The following CMIP variants were observed in gnomAD, a reference collection of about 807,000 sequenced individuals.
The protein encoded by CMIP is c-Maf inducing protein.
Under a neutral mutation model 97.3 loss-of-function variants are expected in CMIP, and 13 were observed. The ratio of observed to expected loss-of-function variants is 0.13; its 90% CI spans 0.09 to 0.21. The LOEUF (loss-of-function observed/expected upper bound fraction) is 0.21, where lower values mean the gene tolerates loss of function less well. Among genes scored for constraint, CMIP ranks in the 10% least tolerant of loss-of-function variants. The probability of loss-of-function intolerance (pLI) is 1.00; values close to 1 mark genes in which losing one functional copy is unlikely to be tolerated. For synonymous variants in CMIP, 538 were observed against 436.3 expected, an observed-to-expected ratio of 1.23 and a Z score of -2.91; for missense variants, 847 against 1,024.9, an observed-to-expected ratio of 0.83 and a Z score of 2.37.
intron 3 of CMIP, among the ~76,000 whole-genome samples, chr16:81,647,159 G>A (rs562722729): frequency 1.6e-4 from 25 of 152,322 alleles, no homozygotes; most frequent in Non-Finnish European, 3.1e-4. Flanking sequence ...CTCGTAGGAC[G>A]AAGTCGTATC....
chr16:81,709,190 C>T (rs1027746988), intron 20 of CMIP, among the ~76,000 whole-genome samples: 1 of 152,174 alleles, frequency 6.6e-6, no homozygotes, highest in Non-Finnish European at 1.5e-5. Flanking sequence ...CTAAGCCAAA[C>T]CCTGGGTACC....
chr16:81,607,122 C>G (rs112533562), intron 1 of CMIP, among the ~76,000 whole-genome samples: 4 of 152,296 alleles, frequency 2.6e-5, no homozygotes, highest in African/African-American at 9.6e-5. Flanking sequence ...ATGGAGTTTT[C>G]CATCTTGGAA....
intron 1 of CMIP, among the ~76,000 whole-genome samples, chr16:81,532,884 C>T (rs1456191853): frequency 6.6e-6 from 1 of 152,206 alleles, no homozygotes; most frequent in Non-Finnish European, 1.5e-5. Flanking sequence ...GAAAGCCTCC[C>T]TCCCTTACTG....
At chr16:81,648,915 GCC>G (rs2092396363) in intron 3 of CMIP, among the ~76,000 whole-genome samples, 1 of 148,518 alleles carries the variant, frequency 6.7e-6, no homozygotes, top group South Asian at 2.2e-4. Flanking sequence ...GTCCCCTAGA[GCC>G]CCCAGCAGGA....
intron 11 of CMIP, among the ~76,000 whole-genome samples, chr16:81,692,325 A>C (rs560002724): frequency 6.6e-6 from 1 of 152,322 alleles, no homozygotes; most frequent in African/African-American, 2.4e-5. Context: ...CTCTGCAGCA[A>C]ACCTGGCCAG....
At position 81,627,493 on chromosome 16, in the gene CMIP, T is replaced by A. The variant is rs2092089565; in HGVS notation, c.477+6567T>A. On this transcript the variant is annotated intron_variant, in intron 3 of 20. Transcript: ENST00000537098. The surrounding 1 kb of genome is among the most constrained non-coding windows in gnomAD (Gnocchi z 4.6). ...GTGGGAGCAGCTGGCTCGGCCTGTCTCCCTGGCAGCCCCTTCCAGCCTCCA... is the reference window on the plus strand; with the variant it reads ...GTGGGAGCAGCTGGCTCGGCCTGTCACCCTGGCAGCCCCTTCCAGCCTCCA... Among the ~76,000 whole-genome samples the A allele has an allele frequency of 2.8e-5, 4 of 143,800 alleles. No individual in the cohort carries two copies. Among genetic ancestry groups the A allele is most frequent in the Non-Finnish European group, 6.2e-5 (4 of 65,004 alleles). 94.3% of individuals were successfully genotyped at this position (143,800 alleles called of 152,430 possible). A position where few individuals can be genotyped will look rare whatever the true frequency, so the allele number is the denominator to read the frequency against.
chr16:81,464,403 C>T (rs1251611725), intron 1 of CMIP: 1 of 152,228 alleles, frequency 6.6e-6, no homozygotes, highest in Non-Finnish European at 1.5e-5. Flanking sequence ...CTGCCCCAGT[C>T]GCTGTCCCTA....
At chr16:81,495,350 G>T in intron 1 of CMIP, 1 of 1,482,004 alleles carries the variant, frequency 6.7e-7, no homozygotes. Flanking sequence ...CGACCCACAG[G>T]CTTCTTGGAT....
At chr16:81,665,607 AT>A (rs989322624) in intron 7 of CMIP, 3 of 152,172 alleles carry the variant, frequency 2.0e-5, no homozygotes, top group African/African-American at 7.2e-5. Context: ...ACCACGTTAG[AT>A]TTTAGAGTCT....
intron 1 of CMIP, among the ~76,000 whole-genome samples, chr16:81,584,592 C>A (rs115526465): frequency 0.011 from 1,695 of 152,174 alleles, 14 homozygotes; most frequent in Middle Eastern, 0.041. Context: ...AGAGTGTGCC[C>A]GTGTAGATCA....
intron 3 of CMIP, among the ~76,000 whole-genome samples, chr16:81,650,277 C>T (rs957563082): frequency 4.6e-5 from 7 of 152,182 alleles, no homozygotes; most frequent in African/African-American, 7.2e-5. Context: ...CTGCCCTGGC[C>T]TCCTCTGCTC....
At chr16:81,548,455 ACTGTC>A (rs1418569728) in intron 1 of CMIP, among the ~76,000 whole-genome samples, 2 of 152,022 alleles carry the variant, frequency 1.3e-5, no homozygotes, top group East Asian at 3.9e-4. Context: ...TATTGCGGGC[ACTGTC>A]CTGGGCATGG....
intron 1 of CMIP, among the ~76,000 whole-genome samples, chr16:81,561,706 C>T (rs374579519): frequency 2.6e-5 from 4 of 152,328 alleles, no homozygotes; most frequent in East Asian, 3.9e-4. Flanking sequence ...AAAAGCATCC[C>T]TCAGCTGCTG....
At chr16:81,686,710 G>C (rs1905431652) in intron 10 of CMIP, among the ~76,000 whole-genome samples, 1 of 152,144 alleles carries the variant, frequency 6.6e-6, no homozygotes, top group African/African-American at 2.4e-5. Context: ...AGGAAGGTGG[G>C]GCAGGAAAAG....
chr16:81,478,194 G>A (rs1468449872), intron 1 of CMIP, among the ~76,000 whole-genome samples: 4 of 152,002 alleles, frequency 2.6e-5, no homozygotes. Flanking sequence ...GAGACACATT[G>A]CGTGGGCATT....
intron 1 of CMIP, among the ~76,000 whole-genome samples, chr16:81,584,146 A>C (rs2091342338): frequency 6.6e-6 from 1 of 152,096 alleles, no homozygotes; most frequent in Admixed American, 6.6e-5. Context: ...GGTTGCCACA[A>C]GCCAGGCCTG....
At chr16:81,605,941 T>A (rs2091736874) in intron 1 of CMIP, among the ~76,000 whole-genome samples, 1 of 152,256 alleles carries the variant, frequency 6.6e-6, no homozygotes, top group Middle Eastern at 3.2e-3. Context: ...TCTTTTGTAC[T>A]TTTTGAGCCT....
intron 3 of CMIP, among the ~76,000 whole-genome samples, chr16:81,650,270 C>T (rs569929865): frequency 2.6e-5 from 4 of 152,190 alleles, no homozygotes; most frequent in Non-Finnish European, 5.9e-5. Context: ...TGCTGGGCTG[C>T]CCTGGCCTCC....
intron 1 of CMIP, among the ~76,000 whole-genome samples, chr16:81,536,280 G>T (rs1323143667): frequency 1.3e-5 from 2 of 152,150 alleles, no homozygotes; most frequent in East Asian, 3.8e-4. Flanking sequence ...AGTGCTCCTT[G>T]CCTTGCTGTG....
Sources: allele counts gnomAD v4.1 joint callset (sites outside exome capture counted in the v4.1 genomes callset), GRCh38; gene constraint gnomAD v4.1.1; non-coding constraint Gnocchi (gnomAD v3.1); transcripts MANE v1.5; gene names NCBI Gene and HGNC (gene_info 2026-07-23, HGNC 2026-07-21).